The following PARD3B variants were observed in gnomAD, a reference collection of about 807,000 sequenced individuals.
The protein encoded by PARD3B is partitioning defective 3 homolog B.
PARD3B carries 103 observed loss-of-function variants against 130.2 expected under a neutral mutation model. That is an observed-to-expected ratio of 0.79 (90% CI 0.67 to 0.93). PARD3B has a LOEUF of 0.93. Ranked by LOEUF, PARD3B falls within the 40% of genes least tolerant of loss-of-function variation. The pLI, the probability that PARD3B is intolerant of heterozygous loss-of-function variation, is 0.00. For synonymous variants in PARD3B, 583 were observed against 553.2 expected (o/e 1.05, Z -0.76); for missense variants, 1,609 against 1,499.2 (o/e 1.07, Z -1.21).
At chr2:205,523,620 C>G (rs572597750) in intron 21 of PARD3B, among the ~76,000 whole-genome samples, 1 of 152,090 alleles carries the variant, frequency 6.6e-6, no homozygotes, top group Admixed American at 6.6e-5. Flanking sequence ...GTTATCAAAA[C>G]TTTCCTTTAT....
At position 204,773,647 on chromosome 2, in the gene PARD3B, C is replaced by G. The variant is rs549318627; in HGVS notation, c.222+87365C>G. 3.3e-5 allele frequency among the ~76,000 whole-genome samples: 5 copies of G among 152,136 alleles called. No homozygotes were observed. The South Asian group carries it at 1.0e-3, about 32-fold the overall frequency. ...TTGAAAATGTGCTTGTCAACTGTTC[C>G]CTTACAAAAATGCAAAATATAAATT... On this transcript the variant is annotated intron_variant, in intron 2 of 22. Coordinates refer to ENST00000406610, the MANE Select transcript of PARD3B (RefSeq NM_001302769.2).
At chr2:205,380,195 T>A (rs1166915753) in intron 18 of PARD3B, among the ~76,000 whole-genome samples, 7 of 90,258 alleles carry the variant, frequency 7.8e-5, no homozygotes, top group African/African-American at 4.0e-4. Flanking sequence ...GAATATATAT[T>A]ATATAATATG....
chr2:205,610,408 C>T (rs760972381), intron 22 of PARD3B, among the ~76,000 whole-genome samples: 61 of 152,160 alleles, frequency 4.0e-4, no homozygotes, highest in Non-Finnish European at 6.9e-4. Flanking sequence ...GCATTTATGA[C>T]AGAGACAAAG....
At chr2:205,515,477 C>A (rs952264715) in intron 21 of PARD3B, among the ~76,000 whole-genome samples, 1 of 147,642 alleles carries the variant, frequency 6.8e-6, no homozygotes, top group Non-Finnish European at 1.5e-5. Context: ...TATGAGTGTT[C>A]CCTTTTCTCC....
chr2:205,079,137 T>C (rs896734934), intron 4 of PARD3B, among the ~76,000 whole-genome samples: 1 of 152,250 alleles, frequency 6.6e-6, no homozygotes, highest in African/African-American at 2.4e-5. Flanking sequence ...TGATTTGCTA[T>C]GCAGCAATAA....
rs780767335 is a variant in PARD3B, at chr2:205,245,769, T to C, written c.2141-9T>C. The C allele has an allele frequency of 1.9e-6, 3 of 1,591,430 alleles. No individual in the cohort carries two copies. In the African/African-American group the frequency reaches 4.0e-5, roughly 21 times the overall value. On this transcript the variant is annotated splice_polypyrimidine_tract_variant and intron_variant, in intron 15 of 22. Coordinates refer to ENST00000406610, the MANE Select transcript of PARD3B (RefSeq NM_001302769.2). ...TCTGATCCTTGTCTCTTTTATTTCT[T>C]CTCCTCAGTGCCAGATGAAAGCAAG...
At chr2:205,235,222 A>T in intron 15 of PARD3B, among the ~76,000 whole-genome samples, 1 of 152,122 alleles carries the variant, frequency 6.6e-6, no homozygotes, top group South Asian at 2.1e-4. Context: ...GGAGTTTGAG[A>T]CCAGCCTGGG....
chr2:205,020,993 G>A (rs1387735127), intron 3 of PARD3B, among the ~76,000 whole-genome samples: 1 of 152,150 alleles, frequency 6.6e-6, no homozygotes, highest in African/African-American at 2.4e-5. Context: ...AATTTGACCA[G>A]GAAGGGACTC....
At chr2:204,862,341 A>G (rs1255757738) in intron 2 of PARD3B, among the ~76,000 whole-genome samples, 1 of 152,200 alleles carries the variant, frequency 6.6e-6, no homozygotes, top group Non-Finnish European at 1.5e-5. Context: ...CTGGAAAATA[A>G]GGGAGTGGCT....
rs1225327690 is a variant in PARD3B, at chr2:205,217,889, TATA to T, written c.2140+24570_2140+24572del. Among the ~76,000 whole-genome samples the T allele has an allele frequency of 5.7e-3, 469 of 81,918 alleles. 37 individuals are homozygous for T. Among genetic ancestry groups the T allele is most frequent in the East Asian group, 0.018 (38 of 2,122 alleles). 53.7% of individuals were successfully genotyped at this position (81,918 alleles called of 152,430 possible). A position where few individuals can be genotyped will look rare whatever the true frequency, so the allele number is the denominator to read the frequency against. On this transcript the variant is annotated intron_variant, in intron 15 of 22. Coordinates refer to ENST00000406610, the MANE Select transcript of PARD3B (RefSeq NM_001302769.2). ...GTGTGTATATATATATATATATATA[TATA>T]TATTTTTTTTTTTATTTTTTTGAGA... is the stretch of plus-strand genomic sequence containing the variant.
At chr2:205,251,997 A>G (rs994939861) in intron 16 of PARD3B, among the ~76,000 whole-genome samples, 1 of 152,164 alleles carries the variant, frequency 6.6e-6, no homozygotes, top group African/African-American at 2.4e-5. Context: ...GAAGTTAGCA[A>G]TATGTCTAGC....
intron 20 of PARD3B, among the ~76,000 whole-genome samples, chr2:205,456,804 CTA>C (rs1458689820): frequency 6.7e-6 from 1 of 149,260 alleles, no homozygotes; most frequent in African/African-American, 2.4e-5. Flanking sequence ...TAGTATGTAA[CTA>C]TTTTATATAT....
chr2:205,502,524 T>C (rs2050194744), intron 21 of PARD3B, among the ~76,000 whole-genome samples: 1 of 152,182 alleles, frequency 6.6e-6, no homozygotes, highest in Non-Finnish European at 1.5e-5. Context: ...AAAACCACTG[T>C]GGACCAGCAT....
rs143273517 is a variant in PARD3B at position 205,410,734 on chromosome 2, G to A, written c.2741+9611G>A. 7.0e-3 allele frequency among the ~76,000 whole-genome samples: 1,067 copies of A among 152,236 alleles called. 21 individuals are homozygous for A. Among genetic ancestry groups the A allele is most frequent in the African/African-American group, 0.024 (988 of 41,522 alleles). Reference sequence around the variant, plus strand: ...TAAATCAAATATTTTAAAAGAATTTGTAAGTCTCTCATCTTCTTTCCTTAT... The same window carrying A: ...TAAATCAAATATTTTAAAAGAATTTATAAGTCTCTCATCTTCTTTCCTTAT... On this transcript the variant is annotated intron_variant, in intron 19 of 22. Coordinates refer to ENST00000406610, the MANE Select transcript of PARD3B (RefSeq NM_001302769.2).
chr2:205,458,298 G>A lies in PARD3B; in HGVS notation c.3044+17626G>A, dbSNP rs528421053. Among the ~76,000 whole-genome samples, 298 of 151,480 alleles carry A rather than the reference G, an allele frequency of 2.0e-3. 1 individual carries two copies. The highest frequency in any genetic ancestry group is 6.9e-3 in the African/African-American group (285 of 41,286). ...TCTTCTTCCTCTTGTCTTCCTCCTC[G>A]TCTTCCATTTTCTTCTGTCTTTCTC... On this transcript the variant is annotated intron_variant, in intron 20 of 22. Transcript: ENST00000406610. This position sits in a 1 kb window ranked among gnomAD's most constrained non-coding sequence, Gnocchi z 4.8.
chr2:204,810,537 C>T (rs958332448), intron 2 of PARD3B, among the ~76,000 whole-genome samples: 2 of 152,026 alleles, frequency 1.3e-5, no homozygotes, highest in African/African-American at 4.8e-5. Context: ...TTGTGATAAT[C>T]ATGTAGTTTT....
chr2:205,289,068 C>T (rs899542742), intron 16 of PARD3B, among the ~76,000 whole-genome samples: 9 of 152,184 alleles, frequency 5.9e-5, no homozygotes, highest in African/African-American at 9.7e-5. Flanking sequence ...CTTGCTGTCC[C>T]TGGCATGGTT....
intron 4 of PARD3B, among the ~76,000 whole-genome samples, chr2:205,092,595 G>A (rs1006405694): frequency 6.6e-6 from 1 of 152,156 alleles, no homozygotes; most frequent in African/African-American, 2.4e-5. Context: ...TGCCCCAAGA[G>A]TTGTTTCTAC....
At chr2:204,948,254 A>G (rs1292241111) in intron 2 of PARD3B, among the ~76,000 whole-genome samples, 1 of 152,206 alleles carries the variant, frequency 6.6e-6, no homozygotes, top group Non-Finnish European at 1.5e-5. Context: ...TTAAAAAGGC[A>G]GCCAGACCTG....
Sources: gnomAD v4.1 joint callset for allele counts (sites outside exome capture counted in the v4.1 genomes callset) on GRCh38, gnomAD v4.1.1 for gene constraint, Gnocchi (gnomAD v3.1) non-coding constraint, MANE v1.5 for transcripts, NCBI Gene and HGNC (gene_info 2026-07-23, HGNC 2026-07-21) for gene names.